Variants in RBMS3 observed in about 807,000 individuals in gnomAD.
RBMS3 encodes RNA-binding motif, single-stranded-interacting protein 3.
Under a neutral mutation model 66.8 loss-of-function variants are expected in RBMS3, and 27 were observed. The ratio of observed to expected loss-of-function variants is 0.40; its 90% CI spans 0.30 to 0.56. The LOEUF is 0.56. Among genes scored for constraint, RBMS3 ranks in the 20% least tolerant of loss-of-function variants. The pLI is 0.40. For synonymous variants in RBMS3, 188 were observed against 183.0 expected, an observed-to-expected ratio of 1.03 and a Z score of -0.22; for missense variants, 513 against 549.5, an observed-to-expected ratio of 0.93 and a Z score of 0.66.
At position 29,304,411 on chromosome 3, in the gene RBMS3, A is replaced by G. The variant is rs185997728; in HGVS notation, c.75+22655A>G. 5.3e-3 allele frequency among the ~76,000 whole-genome samples: 803 copies of G among 152,084 alleles called. 3 individuals are homozygous for G. The highest frequency in any genetic ancestry group is 7.0e-3 in the Non-Finnish European group (475 of 67,922). ...ATAGATTTAAAAGCACTAGGAGACT[A>G]TATCTGTACTCGCCACTTTTTAATG... On this transcript the variant is annotated intron_variant, in intron 1 of 14. Transcript: ENST00000383767.
At chr3:29,435,078 G>A in intron 2 of RBMS3, 163 bp downstream of exon 2, 1 of 783,804 alleles carries the variant, frequency 1.3e-6, no homozygotes, top group Admixed American at 3.2e-5. Context: ...AGTTTATTTT[G>A]GGGAGTGGAA....
At chr3:29,788,992 G>T (rs1240161025) in intron 6 of RBMS3, among the ~76,000 whole-genome samples, 1 of 152,048 alleles carries the variant, frequency 6.6e-6, no homozygotes, top group East Asian at 1.9e-4. Flanking sequence ...AGCTAAGATT[G>T]AACATTTTTG....
At chr3:29,909,505 G>T (rs114800592) in intron 10 of RBMS3, among the ~76,000 whole-genome samples, 1 of 152,030 alleles carries the variant, frequency 6.6e-6, no homozygotes, top group Non-Finnish European at 1.5e-5. Flanking sequence ...GTTCCTGAAG[G>T]CTTCCTGCTG....
Position 29,281,337 on chromosome 3 carries a change from G to C in RBMS3, c.-345G>C. 3.4e-6 allele frequency: 1 copy of C among 298,288 alleles called. No individual in the cohort carries two copies. 18.5% of individuals were successfully genotyped at this position (298,288 alleles called of 1,614,324 possible). A position where few individuals can be genotyped will look rare whatever the true frequency, so the allele number is the denominator to read the frequency against. ...TTTTTTTCCCCCTTTACGAACGCTG[G>C]CAATTGACATCACTACAGACAGCCT... On this transcript the variant is annotated 5_prime_UTR_variant, in exon 1 of 15. Coordinates refer to ENST00000383767, the MANE Select transcript of RBMS3 (RefSeq NM_001003793.3).
At chr3:29,854,833 T>G (rs1475511196) in intron 6 of RBMS3, among the ~76,000 whole-genome samples, 1 of 152,202 alleles carries the variant, frequency 6.6e-6, no homozygotes, top group African/African-American at 2.4e-5. Flanking sequence ...AAGCTCTCCT[T>G]CTTACCAGTT....
intron 3 of RBMS3, among the ~76,000 whole-genome samples, chr3:29,554,729 A>G (rs577032982): frequency 1.1e-4 from 16 of 152,186 alleles, no homozygotes; most frequent in Non-Finnish European, 2.2e-4. Context: ...AAAAGGATAT[A>G]AAAGCAATTT....
At position 29,301,762 on chromosome 3, in the gene RBMS3, C is replaced by G. The variant is rs143145920; in HGVS notation, c.75+20006C>G. On this transcript the variant is annotated intron_variant, in intron 1 of 14. Coordinates refer to ENST00000383767, the MANE Select transcript of RBMS3 (RefSeq NM_001003793.3). The stretch of plus-strand genomic sequence containing the variant: ...TCAAACTTTAGCATGCTTAAGAAGC[C>G]TCTGAAAGACTTGTTAAAACTGATT... Among the ~76,000 whole-genome samples, 459 of 152,018 alleles carry G rather than the reference C, an allele frequency of 3.0e-3. 3 individuals carry two copies. The highest frequency in any genetic ancestry group is 0.01 in the African/African-American group (425 of 41,512).
At chr3:29,957,897 A>G (rs536828385) in intron 12 of RBMS3, among the ~76,000 whole-genome samples, 1 of 152,280 alleles carries the variant, frequency 6.6e-6, no homozygotes, top group East Asian at 1.9e-4. Context: ...TCAATAGCCT[A>G]TGTTATGCCT....
intron 4 of RBMS3, among the ~76,000 whole-genome samples, chr3:29,685,636 G>T (rs2051698569): frequency 6.6e-6 from 1 of 152,170 alleles, no homozygotes; most frequent in Admixed American, 6.5e-5. Context: ...TTATTAGAAA[G>T]AAATCACTTG....
intron 6 of RBMS3, among the ~76,000 whole-genome samples, chr3:29,797,273 A>G (rs967913863): frequency 1.3e-5 from 2 of 152,182 alleles, no homozygotes; most frequent in Non-Finnish European, 2.9e-5. Flanking sequence ...TTGCAGTTTT[A>G]TGTTATGGAA....
At chr3:29,412,678 A>C (rs2125687137) in intron 1 of RBMS3, among the ~76,000 whole-genome samples, 1 of 152,300 alleles carries the variant, frequency 6.6e-6, no homozygotes, top group East Asian at 1.9e-4. Flanking sequence ...GAGAATCAGA[A>C]GTGTGGCTGG....
chr3:29,895,034 T>C (rs1371262187), intron 8 of RBMS3, among the ~76,000 whole-genome samples: 2 of 151,518 alleles, frequency 1.3e-5, no homozygotes, highest in African/African-American at 4.8e-5. Context: ...GGCAATAGCC[T>C]GATTGTGCTA....
At chr3:29,910,174 T>G (rs1310949887) in intron 10 of RBMS3, among the ~76,000 whole-genome samples, 1 of 152,086 alleles carries the variant, frequency 6.6e-6, no homozygotes, top group Admixed American at 6.6e-5. Flanking sequence ...AAAGAAAATA[T>G]GCAGCTAAAA....
At position 29,779,777 on chromosome 3, in the gene RBMS3, G is replaced by A. The variant is rs73831024; in HGVS notation, c.637+16788G>A. Among the ~76,000 whole-genome samples the A allele has an allele frequency of 4.3e-3, 611 of 141,968 alleles. 7 individuals carry two copies. Among genetic ancestry groups the A allele is most frequent in the South Asian group, 0.018 (83 of 4,514 alleles). 93.1% of individuals were successfully genotyped at this position (141,968 alleles called of 152,430 possible). ...TAGAAGATACAATAGGTTACTGATC[G>A]AAGGCACAAAAAGATTGTATACTTT... On this transcript the variant is annotated intron_variant, in intron 6 of 14. Transcript: ENST00000383767.
At chr3:29,873,676 C>T (rs9855506) in intron 7 of RBMS3, among the ~76,000 whole-genome samples, 8 of 152,022 alleles carry the variant, frequency 5.3e-5, no homozygotes, top group South Asian at 4.1e-4. Context: ...GTTTTTGAGA[C>T]GAATGCTTCT....
intron 1 of RBMS3, among the ~76,000 whole-genome samples, chr3:29,302,292 G>A (rs972695791): frequency 2.6e-5 from 4 of 151,956 alleles, no homozygotes; most frequent in Non-Finnish European, 4.4e-5. Context: ...GATTACAGGC[G>A]TGAGCTACAG....
At chr3:29,510,210 G>T (rs1398516651) in intron 3 of RBMS3, among the ~76,000 whole-genome samples, 2 of 152,150 alleles carry the variant, frequency 1.3e-5, no homozygotes, top group African/African-American at 4.8e-5. Context: ...GAATTTCTCA[G>T]TATAGATTTA....
At chr3:29,922,460 G>C (rs2060812604) in intron 10 of RBMS3, among the ~76,000 whole-genome samples, 1 of 140,112 alleles carries the variant, frequency 7.1e-6, no homozygotes, top group Non-Finnish European at 1.5e-5. Context: ...GCAGTCCGCA[G>C]TCCGGCCTGG....
chr3:29,589,670 C>G (rs894137721), intron 4 of RBMS3, among the ~76,000 whole-genome samples: 18 of 152,020 alleles, frequency 1.2e-4, no homozygotes, highest in African/African-American at 4.3e-4. Flanking sequence ...CATTTTCCTC[C>G]TTTGTCCTGG....
Sources: allele counts gnomAD v4.1 joint callset (sites outside exome capture counted in the v4.1 genomes callset), GRCh38; gene constraint gnomAD v4.1.1; transcripts MANE v1.5; gene names NCBI Gene and HGNC (gene_info 2026-07-23, HGNC 2026-07-21).